Variants in MED12L observed in about 807,000 individuals in gnomAD.
MED12L encodes the protein mediator of RNA polymerase II transcription subunit 12-like protein.
A neutral mutation model predicts 281.3 loss-of-function variants in MED12L; 60 were observed. The observed-to-expected ratio is 0.21, with a 90% CI of 0.17 to 0.26. The LOEUF (loss-of-function observed/expected upper bound fraction) is 0.26. Ranked by LOEUF, MED12L falls within the 10% of genes least tolerant of loss-of-function variation. The pLI, the probability that MED12L is intolerant of heterozygous loss-of-function variation, is 1.00. For synonymous variants in MED12L, 974 were observed against 987.2 expected (o/e 0.99, Z 0.25); for missense variants, 2,146 against 2,680.9 (o/e 0.80, Z 4.41).
Position 151,142,158 on chromosome 3 carries a change from C to G in MED12L, c.557-14003C>G, listed in dbSNP as rs559470902. Reference sequence around the variant, plus strand: ...GAGGTAGTTGAGTGCCTCCATTTCACAAATGAGGGGACAAAGTTCGTGGAA... The same window carrying G: ...GAGGTAGTTGAGTGCCTCCATTTCAGAAATGAGGGGACAAAGTTCGTGGAA... On this transcript the variant is annotated intron_variant, in intron 5 of 44. Coordinates refer to ENST00000687756, the MANE Select transcript of MED12L (RefSeq NM_001393769.1). 1.5e-4 allele frequency among the ~76,000 whole-genome samples: 23 copies of G among 152,264 alleles called. No individual in the cohort carries two copies. The South Asian group carries it at 4.8e-3, about 32-fold the overall frequency.
chr3:151,259,166 T>G (rs1237721038), intron 16 of MED12L, among the ~76,000 whole-genome samples: 3 of 152,236 alleles, frequency 2.0e-5, no homozygotes, highest in Non-Finnish European at 4.4e-5. Flanking sequence ...ATATTTCAAC[T>G]CTTTGTGTTT....
intron 2 of MED12L, among the ~76,000 whole-genome samples, chr3:151,095,240 T>TA (rs1720556914): frequency 6.6e-6 from 1 of 152,246 alleles, no homozygotes; most frequent in African/African-American, 2.4e-5. Context: ...AAATGGTTGA[T>TA]ACCATGTTGG....
intron 16 of MED12L, among the ~76,000 whole-genome samples, chr3:151,300,825 G>T (rs1206489915): frequency 6.6e-6 from 1 of 152,194 alleles, no homozygotes; most frequent in Non-Finnish European, 1.5e-5. Context: ...AAGGGCATGT[G>T]GGAGGCAGGA....
intron 28 of MED12L, 113 bp from the exon 29 acceptor site, chr3:151,376,687 T>C (rs2108070240): frequency 2.3e-6 from 2 of 860,502 alleles, no homozygotes; most frequent in Middle Eastern, 2.5e-4. Flanking sequence ...TATAAATTAT[T>C]TCATTGTGTA....
intron 16 of MED12L, among the ~76,000 whole-genome samples, chr3:151,243,159 T>TGG (rs1734579641): frequency 6.6e-6 from 1 of 151,922 alleles, no homozygotes. Flanking sequence ...CTGAAAGTGA[T>TGG]GGGGAGAATG....
intron 24 of MED12L, 135 bp from the exon 25 acceptor site, chr3:151,368,015 G>C: frequency 1.2e-6 from 1 of 833,006 alleles, no homozygotes. Flanking sequence ...CAGAAAAATA[G>C]CCAGGGCCTT....
chr3:151,386,281 T>A (rs893539704), intron 36 of MED12L, among the ~76,000 whole-genome samples: 2 of 152,238 alleles, frequency 1.3e-5, no homozygotes, highest in African/African-American at 4.8e-5. Flanking sequence ...GGAATCCATT[T>A]GGATGTGTGG....
Position 151,216,219 on chromosome 3 carries a change from C to T in MED12L, c.2250+22553C>T, listed in dbSNP as rs185345994. 1.2e-4 allele frequency among the ~76,000 whole-genome samples: 18 copies of T among 152,268 alleles called. No individual in the cohort carries two copies. The East Asian group carries it at 3.3e-3, about 28-fold the overall frequency. ...TATTTGTGAAATAAATGAATATGCACTCTGGGAATACAAGGCATGAATCCT... is the reference window on the plus strand; with the variant it reads ...TATTTGTGAAATAAATGAATATGCATTCTGGGAATACAAGGCATGAATCCT... On this transcript the variant is annotated intron_variant, in intron 16 of 44. Coordinates refer to ENST00000687756, the MANE Select transcript of MED12L (RefSeq NM_001393769.1).
At position 151,421,244 on chromosome 3, in the gene MED12L, C is replaced by T. The variant is rs1718211914; in HGVS notation, c.6408+4822C>T. Among the ~76,000 whole-genome samples the T allele has an allele frequency of 3.3e-5, 5 of 152,188 alleles. 1 individual carries two copies. Among genetic ancestry groups the T allele is most frequent in the Admixed American group, 1.3e-4 (2 of 15,278 alleles). On this transcript the variant is annotated intron_variant, in intron 43 of 44. Coordinates refer to ENST00000687756, the MANE Select transcript of MED12L (RefSeq NM_001393769.1). ...ATCCTATCCACTTGATTATTAAAAT[C>T]TTCCTCTGCTGAGGTCACCCATTGG...
intron 16 of MED12L, among the ~76,000 whole-genome samples, chr3:151,285,983 T>G (rs1366781771): frequency 6.6e-6 from 1 of 152,196 alleles, no homozygotes; most frequent in Non-Finnish European, 1.5e-5. Context: ...TTTAAAGTAT[T>G]TTGTTACAGC....
At chr3:151,366,161 A>G (rs553614229) in intron 23 of MED12L, among the ~76,000 whole-genome samples, 170 bp downstream of exon 23, 1 of 152,308 alleles carries the variant, frequency 6.6e-6, no homozygotes, top group African/African-American at 2.4e-5. Flanking sequence ...CAGGGATTAA[A>G]TACATGAAAA....
chr3:151,300,576 A>G (rs902232924), intron 16 of MED12L, among the ~76,000 whole-genome samples: 1 of 152,210 alleles, frequency 6.6e-6, no homozygotes, highest in African/African-American at 2.4e-5. Flanking sequence ...TAGAAAGCAG[A>G]ATTCCTGGGA....
Position 151,234,548 on chromosome 3 carries a change from A to G in MED12L, c.2250+40882A>G, listed in dbSNP as rs140778124. On this transcript the variant is annotated intron_variant, in intron 16 of 44. Coordinates refer to ENST00000687756, the MANE Select transcript of MED12L (RefSeq NM_001393769.1). ...TCAGTTAACCCAGCAAATGGTTCAT[A>G]GTAGGTGCTGTATAAACTTTCTGAT... 1.8e-3 allele frequency among the ~76,000 whole-genome samples: 272 copies of G among 152,334 alleles called. 1 individual carries two copies. The highest frequency in any genetic ancestry group is 6.2e-3 in the African/African-American group (258 of 41,574).
At chr3:151,104,138 A>G (rs1197840389) in intron 2 of MED12L, among the ~76,000 whole-genome samples, 2 of 151,752 alleles carry the variant, frequency 1.3e-5, no homozygotes, top group Non-Finnish European at 2.9e-5. Context: ...TGTGATTTGG[A>G]TGGGGGTGAA....
intron 16 of MED12L, among the ~76,000 whole-genome samples, chr3:151,339,364 T>C (rs1751479569): frequency 7.0e-6 from 1 of 142,184 alleles, no homozygotes; most frequent in Admixed American, 7.1e-5. Context: ...CCTAAAGTAA[T>C]AAAAAGGGGG....
At chr3:151,370,233 C>T (rs1421177438) in intron 26 of MED12L, among the ~76,000 whole-genome samples, 2 of 152,120 alleles carry the variant, frequency 1.3e-5, no homozygotes, top group Non-Finnish European at 2.9e-5. Flanking sequence ...ATCTTAAAGG[C>T]TTTGAATGAT....
chr3:151,125,949 G>T (rs1331701306), intron 4 of MED12L, among the ~76,000 whole-genome samples: 7 of 152,106 alleles, frequency 4.6e-5, no homozygotes, highest in Non-Finnish European at 2.9e-5. Context: ...CTCTGTCATG[G>T]GGTCTGTGTT....
chr3:151,144,421 A>G (rs1319911788), intron 5 of MED12L, among the ~76,000 whole-genome samples: 2 of 152,176 alleles, frequency 1.3e-5, no homozygotes, highest in Non-Finnish European at 2.9e-5. Context: ...ACAGGAAGAA[A>G]GATGCAGTCG....
At chr3:151,197,671 A>T (rs1415248943) in intron 16 of MED12L, among the ~76,000 whole-genome samples, 3 of 152,244 alleles carry the variant, frequency 2.0e-5, no homozygotes, top group Non-Finnish European at 2.9e-5. Flanking sequence ...AGTAGTTAGT[A>T]TAACTTAACA....
Sources: allele counts gnomAD v4.1 joint callset (sites outside exome capture counted in the v4.1 genomes callset), GRCh38; gene constraint gnomAD v4.1.1; transcripts MANE v1.5; gene names NCBI Gene and HGNC (gene_info 2026-07-23, HGNC 2026-07-21).